Variants in RGS20 observed in about 807,000 individuals in gnomAD.
RGS20 encodes regulator of G protein signaling 20, also known as gz-selective GTPase-activating protein.
Under a neutral mutation model 33.6 loss-of-function variants are expected in RGS20, and 30 were observed. The ratio of observed to expected loss-of-function variants is 0.89; its 90% CI spans 0.67 to 1.21. The LOEUF (loss-of-function observed/expected upper bound fraction) is 1.21. Among genes scored for constraint, RGS20 ranks in the 50% most tolerant of loss-of-function variants. The pLI is 0.00. For missense variants in RGS20, 472 were observed against 502.4 expected (o/e 0.94, Z 0.58); for synonymous variants, 208 against 197.9 (o/e 1.05, Z -0.43).
chr8:53,957,445 G>C (rs933378594), intron 5 of RGS20, among the ~76,000 whole-genome samples: 2 of 152,250 alleles, frequency 1.3e-5, no homozygotes, highest in Admixed American at 6.5e-5. Flanking sequence ...CCTGTGATTG[G>C]AACCTTCCAG....
At chr8:53,929,500 T>A (rs1170566557) in intron 2 of RGS20, among the ~76,000 whole-genome samples, 1 of 152,044 alleles carries the variant, frequency 6.6e-6, no homozygotes, top group East Asian at 1.9e-4. Flanking sequence ...GACTCCCATC[T>A]CTACTAAAAA....
intron 2 of RGS20, among the ~76,000 whole-genome samples, chr8:53,903,285 C>T (rs1278334264): frequency 2.0e-5 from 3 of 152,148 alleles, no homozygotes; most frequent in African/African-American, 4.8e-5. Flanking sequence ...AAGCACTGCC[C>T]TGTTTTACTG....
intron 1 of RGS20, among the ~76,000 whole-genome samples, chr8:53,853,012 T>C (rs111831042): frequency 4.3e-4 from 66 of 152,162 alleles, no homozygotes; most frequent in African/African-American, 1.5e-3. Context: ...CTTTCAGACA[T>C]ATGTGAACAA....
At chr8:53,944,371 C>T (rs1003824847) in intron 3 of RGS20, among the ~76,000 whole-genome samples, 1 of 152,076 alleles carries the variant, frequency 6.6e-6, no homozygotes, top group African/African-American at 2.4e-5. Flanking sequence ...AACCCCGTCT[C>T]TACTAAAAAT....
At chr8:53,945,169 T>C (rs1311596667) in intron 3 of RGS20, among the ~76,000 whole-genome samples, 3 of 152,216 alleles carry the variant, frequency 2.0e-5, no homozygotes, top group African/African-American at 7.2e-5. Flanking sequence ...CATAGCAGCA[T>C]GATTCATGCA....
intron 2 of RGS20, chr8:53,879,682 C>A: frequency 8.4e-7 from 1 of 1,191,352 alleles, no homozygotes; most frequent in Admixed American, 3.5e-5. Flanking sequence ...CTAACCCCAA[C>A]TGACCCGCTC....
At chr8:53,925,564 G>T (rs1217197820) in intron 2 of RGS20, among the ~76,000 whole-genome samples, 2 of 151,906 alleles carry the variant, frequency 1.3e-5, no homozygotes, top group African/African-American at 4.8e-5. Context: ...GATCACCTCA[G>T]GTCAGGAGTA....
intron 2 of RGS20, among the ~76,000 whole-genome samples, chr8:53,916,164 A>G (rs1813478043): frequency 6.6e-6 from 1 of 152,164 alleles, no homozygotes; most frequent in Non-Finnish European, 1.5e-5. Flanking sequence ...CTGGGACTAC[A>G]GGCATGTACC....
intron 1 of RGS20, among the ~76,000 whole-genome samples, chr8:53,852,793 A>C (rs192181066): frequency 1.3e-5 from 2 of 152,330 alleles, no homozygotes; most frequent in African/African-American, 4.8e-5. Flanking sequence ...CTGTTCAAAT[A>C]CTTTAACACC....
At chr8:53,868,044 T>G (rs1164877171) in intron 1 of RGS20, among the ~76,000 whole-genome samples, 2 of 152,086 alleles carry the variant, frequency 1.3e-5, no homozygotes, top group East Asian at 3.9e-4. Flanking sequence ...ATTTTTGTAT[T>G]ATTCAGAGAA....
At position 53,879,254 on chromosome 8, in the gene RGS20, C is replaced by G; in HGVS notation, c.166-4C>G. ...CTGGTTTTGTTTCTCTCTCCCCACC[C>G]CAGTCCTTCCCGCCTGCACAGCTCC... On this transcript the variant is annotated splice_region_variant and splice_polypyrimidine_tract_variant and intron_variant, in intron 1 of 5. Transcript: ENST00000297313. The G allele has an allele frequency of 6.2e-7, 1 of 1,612,978 alleles. No individual in the cohort carries two copies. Among genetic ancestry groups the G allele is most frequent in the Non-Finnish European group, 8.5e-7 (1 of 1,179,200 alleles).
At chr8:53,864,881 T>C (rs1373955870) in intron 1 of RGS20, among the ~76,000 whole-genome samples, 1 of 152,208 alleles carries the variant, frequency 6.6e-6, no homozygotes, top group Non-Finnish European at 1.5e-5. Context: ...AAATGTTTCA[T>C]ATCAAGGCAG....
chr8:53,957,912 C>T (rs913939548), intron 5 of RGS20, among the ~76,000 whole-genome samples: 3 of 152,030 alleles, frequency 2.0e-5, no homozygotes, highest in African/African-American at 4.8e-5. Context: ...CTAGAGAGGC[C>T]GAGGCGGGCG....
Position 53,908,332 on chromosome 8 carries a change from G to A in RGS20, c.510+28730G>A, listed in dbSNP as rs563865835. ...AGAAAAGTAAAACACTGGACTTGCC[G>A]AGCTACTAAAACTTATACAGACTGC... On this transcript the variant is annotated intron_variant, in intron 2 of 5. Coordinates refer to ENST00000297313, the MANE Select transcript of RGS20 (RefSeq NM_170587.4). Among the ~76,000 whole-genome samples, 6 of 152,184 alleles carry A rather than the reference G, an allele frequency of 3.9e-5. No homozygotes were observed. The East Asian group carries it at 5.8e-4, about 15-fold the overall frequency.
chr8:53,913,292 C>T (rs1259291408), intron 2 of RGS20, among the ~76,000 whole-genome samples: 1 of 152,106 alleles, frequency 6.6e-6, no homozygotes, highest in East Asian at 1.9e-4. Flanking sequence ...AATTATCACA[C>T]TGGTTAGTCA....
chr8:53,924,348 C>T (rs927961354), intron 2 of RGS20, among the ~76,000 whole-genome samples: 57 of 152,008 alleles, frequency 3.7e-4, no homozygotes, highest in African/African-American at 7.5e-4. Context: ...CCACCACGCC[C>T]GGCTAATTTT....
At chr8:53,868,955 G>A (rs1811990222) in intron 1 of RGS20, among the ~76,000 whole-genome samples, 1 of 152,082 alleles carries the variant, frequency 6.6e-6, no homozygotes. Flanking sequence ...GTTTCACCAT[G>A]TTGGCCAGGC....
At chr8:53,868,042 A>G (rs1811961234) in intron 1 of RGS20, among the ~76,000 whole-genome samples, 1 of 152,064 alleles carries the variant, frequency 6.6e-6, no homozygotes, top group Non-Finnish European at 1.5e-5. Flanking sequence ...TTATTTTTGT[A>G]TTATTCAGAG....
chr8:53,852,952 G>A (rs1585853608), intron 1 of RGS20, among the ~76,000 whole-genome samples: 1 of 151,938 alleles, frequency 6.6e-6, no homozygotes, highest in East Asian at 1.9e-4. Context: ...AAATAAAAAG[G>A]GTCAACACAA....
Sources: allele counts gnomAD v4.1 joint callset (sites outside exome capture counted in the v4.1 genomes callset), GRCh38; gene constraint gnomAD v4.1.1; transcripts MANE v1.5; gene names NCBI Gene and HGNC (gene_info 2026-07-23, HGNC 2026-07-21).